PCDHGB6: variants seen among roughly 807,000 people sequenced by gnomAD.
PCDHGB6 encodes the protein protocadherin gamma subfamily B, 6.
A neutral mutation model predicts 59.1 loss-of-function variants in PCDHGB6; 51 were observed. The observed-to-expected ratio is 0.86, with a 90% confidence interval of 0.69 to 1.09. PCDHGB6 has a LOEUF of 1.09. PCDHGB6 is among the 50% of genes least tolerant of loss of function. The pLI, the probability that PCDHGB6 is intolerant of heterozygous loss-of-function variation, is 0.00. For synonymous variants in PCDHGB6, 466 were observed against 495.1 expected, an observed-to-expected ratio of 0.94 and a Z score of 0.78; for missense variants, 1,148 against 1,205.1, an observed-to-expected ratio of 0.95 and a Z score of 0.70.
chr5:141,439,459 A>T (rs558086952), intron 1 of PCDHGB6, among the ~76,000 whole-genome samples: 1 of 152,340 alleles, frequency 6.6e-6, no homozygotes, highest in African/African-American at 2.4e-5. Flanking sequence ...GCAAGACTGC[A>T]CTGCTGCCTT....
chr5:141,466,496 GCA>G (rs2099123596), intron 1 of PCDHGB6, among the ~76,000 whole-genome samples: 1 of 152,120 alleles, frequency 6.6e-6, no homozygotes. Context: ...TTTAATTAGA[GCA>G]CAGACAAGAT....
Position 141,410,849 on chromosome 5 carries a change from C to CTTTTTTTTT in PCDHGB6, c.2418+243_2418+251dup, listed in dbSNP as rs759346998. 1.7e-3 allele frequency: 239 copies of CTTTTTTTTT among 138,144 alleles called. 16 individuals are homozygous for CTTTTTTTTT. Among genetic ancestry groups the CTTTTTTTTT allele is most frequent in the African/African-American group, 4.5e-3 (75 of 16,616 alleles). 8.6% of individuals were successfully genotyped at this position (138,144 alleles called of 1,614,324 possible). On this transcript the variant is annotated intron_variant, in intron 1 of 3. Coordinates refer to ENST00000520790, the MANE Select transcript of PCDHGB6 (RefSeq NM_018926.3). ...CAGACTGAAGATATTTTGTCTTTGT[C>CTTTTTTTTT]TTTTTTTTTTTTTTTTTTTTTTGAG...
intron 1 of PCDHGB6, among the ~76,000 whole-genome samples, chr5:141,420,877 G>T (rs566962587): frequency 3.9e-5 from 6 of 152,338 alleles, no homozygotes; most frequent in African/African-American, 1.4e-4. Context: ...TGTAAGTATT[G>T]TGTATCATCG....
intron 1 of PCDHGB6, among the ~76,000 whole-genome samples, chr5:141,450,008 T>A (rs78952430): frequency 4.8e-4 from 18 of 37,340 alleles, no homozygotes; most frequent in African/African-American, 6.8e-4. Context: ...CCATGTCTCT[T>A]TTTTTTTTTT....
chr5:141,421,383 C>A lies in PCDHGB6; in HGVS notation c.2418+10763C>A, dbSNP rs754951142. The A allele has an allele frequency of 2.5e-6, 4 of 1,614,034 alleles. 1 individual carries two copies. The highest frequency in any genetic ancestry group is 8.5e-7 in the Non-Finnish European group (1 of 1,179,910). On this transcript the variant is annotated intron_variant, in intron 1 of 3. Transcript: ENST00000520790. ...CCTTCGTGGGCAATATCTCCAAGGA[C>A]CTGGGGCTGGAGCCCCGGGAGCTGG...
intron 1 of PCDHGB6, among the ~76,000 whole-genome samples, chr5:141,443,376 T>C (rs1365277469): frequency 6.6e-6 from 1 of 151,990 alleles, no homozygotes; most frequent in Admixed American, 6.6e-5. Flanking sequence ...TCTCAGCTAC[T>C]TGGGAGGCTG....
rs889285153 is a variant in PCDHGB6, at chr5:141,494,978, T to C, written c.2477+113T>C. ...TGCTACAGATGGCTTCTCCCTCAGT[T>C]TGAGATCCCAGGGAGGTCTTGGTGT... On this transcript the variant is annotated intron_variant, in intron 2 of 3. Transcript: ENST00000520790. 7.6e-6 allele frequency: 12 copies of C among 1,572,974 alleles called. No homozygotes were observed. In the Admixed American group the frequency reaches 1.3e-4, roughly 17 times the overall value.
At position 141,477,019 on chromosome 5, in the gene PCDHGB6, C is replaced by T. The variant is rs148675327; in HGVS notation, c.2419-17788C>T. 1.9e-5 allele frequency: 30 copies of T among 1,614,242 alleles called. No individual in the cohort carries two copies. Among genetic ancestry groups the T allele is most frequent in the Non-Finnish European group, 2.5e-5 (30 of 1,180,048 alleles). On this transcript the variant is annotated intron_variant, in intron 1 of 3. Transcript: ENST00000520790. This position sits in a 1 kb window ranked among gnomAD's most constrained non-coding sequence, Gnocchi z 4.9. ...AACTATTCGCCTTAGACCTTGTAAC[C>T]GGGATGCTGACAATCAAGGGTCGGC...
chr5:141,432,650 G>T lies in PCDHGB6; in HGVS notation c.2418+22030G>T. 6.2e-7 allele frequency: 1 copy of T among 1,613,868 alleles called. No individual in the cohort carries two copies. The highest frequency in any genetic ancestry group is 1.1e-5 in the South Asian group (1 of 91,064). On this transcript the variant is annotated intron_variant, in intron 1 of 3. Transcript: ENST00000520790. The surrounding 1 kb of genome is among the most constrained non-coding windows in gnomAD (Gnocchi z 6.0). The stretch of plus-strand genomic sequence containing the variant: ...CACGGGCGAGGTGCGCACGGCGCGA[G>T]CCCTGCTGGACAGAGACGCGCTCAA...
Position 141,476,214 on chromosome 5 carries a change from T to C in PCDHGB6, c.2419-18593T>C, listed in dbSNP as rs768153063. 1 of 1,613,974 alleles carries C rather than the reference T, an allele frequency of 6.2e-7. No homozygotes were observed. Among genetic ancestry groups the C allele is most frequent in the African/African-American group, 1.3e-5 (1 of 74,990 alleles). ...GCCTTGAACAAGGCTTCCACGGTCA[T>C]TCACTATGAGATCCCGGAGGAAAGA... On this transcript the variant is annotated intron_variant, in intron 1 of 3. Coordinates refer to ENST00000520790, the MANE Select transcript of PCDHGB6 (RefSeq NM_018926.3). The surrounding 1 kb of genome is among the most constrained non-coding windows in gnomAD (Gnocchi z 7.6).
chr5:141,458,463 C>T (rs749353395), intron 1 of PCDHGB6, among the ~76,000 whole-genome samples: 15 of 151,844 alleles, frequency 9.9e-5, no homozygotes, highest in Admixed American at 8.5e-4. Flanking sequence ...TTTAAAATAC[C>T]GTACAACTGC....
At chr5:141,474,854 T>G (rs1007461186) in intron 1 of PCDHGB6, among the ~76,000 whole-genome samples, 3 of 152,260 alleles carry the variant, frequency 2.0e-5, no homozygotes, top group African/African-American at 7.2e-5. Flanking sequence ...CCTGCCTTCT[T>G]CATTTAATAG....
At chr5:141,416,832 A>T (rs2154546669) in intron 1 of PCDHGB6, 1 of 152,168 alleles carries the variant, frequency 6.6e-6, no homozygotes, top group East Asian at 1.9e-4. Context: ...GTTTCTCAAG[A>T]CCCTTATAAT....
chr5:141,418,277 T>G, intron 1 of PCDHGB6: 2 of 1,614,026 alleles, frequency 1.2e-6, no homozygotes, highest in Non-Finnish European at 1.7e-6. Flanking sequence ...TGAAATAAAC[T>G]TAGAAATCAG....
At position 141,512,116 on chromosome 5, in the gene PCDHGB6, T is replaced by TTA. The variant is rs2099884085; in HGVS notation, c.*943_*944insTA. On this transcript the variant is annotated 3_prime_UTR_variant, in exon 4 of 4. Coordinates refer to ENST00000520790, the MANE Select transcript of PCDHGB6 (RefSeq NM_018926.3). ...ACTAGGCTGGACCCTTCCCACTACA[T>TTA]AATAGGGCTCAGCCCAGGCAGCCAG... 1 of 152,600 alleles carries TTA rather than the reference T, an allele frequency of 6.6e-6. No homozygotes were observed. The highest frequency in any genetic ancestry group is 2.1e-4 in the South Asian group (1 of 4,832). 9.5% of individuals were successfully genotyped at this position (152,600 alleles called of 1,614,324 possible).
chr5:141,463,142 C>T (rs1229364880), intron 1 of PCDHGB6, among the ~76,000 whole-genome samples: 1 of 152,160 alleles, frequency 6.6e-6, no homozygotes, highest in Non-Finnish European at 1.5e-5. Context: ...CTTCGCCCAG[C>T]TGCAGAAAAG....
At chr5:141,483,242 C>T (rs2099578681) in intron 1 of PCDHGB6, among the ~76,000 whole-genome samples, 1 of 151,558 alleles carries the variant, frequency 6.6e-6, no homozygotes, top group African/African-American at 2.4e-5. Flanking sequence ...AACTGATATG[C>T]ATATATCATG....
chr5:141,487,022 A>T lies in PCDHGB6; in HGVS notation c.2419-7785A>T. ...TCAGCTCCTGGAGGCCCCAGATCCC[A>T]GCCTGTTTGCAGTCTCTCGATATGC... On this transcript the variant is annotated intron_variant, in intron 1 of 3. Coordinates refer to ENST00000520790, the MANE Select transcript of PCDHGB6 (RefSeq NM_018926.3). The surrounding 1 kb of genome is among the most constrained non-coding windows in gnomAD (Gnocchi z 5.0). The T allele has an allele frequency of 1.2e-6, 2 of 1,614,212 alleles. No homozygotes were observed. Among genetic ancestry groups the T allele is most frequent in the Non-Finnish European group, 1.7e-6 (2 of 1,180,048 alleles).
At chr5:141,428,552 T>TC in intron 1 of PCDHGB6, 2 of 244,422 alleles carry the variant, frequency 8.2e-6, no homozygotes, top group African/African-American at 2.2e-5. Context: ...CCAGAAACAG[T>TC]CCCCCCACAA....
Sources: allele counts gnomAD v4.1 joint callset (sites outside exome capture counted in the v4.1 genomes callset), GRCh38; gene constraint gnomAD v4.1.1; non-coding constraint Gnocchi (gnomAD v3.1); transcripts MANE v1.5; gene names NCBI Gene and HGNC (gene_info 2026-07-23, HGNC 2026-07-21).